Variants in NME7 observed in about 807,000 individuals in gnomAD.
NME7 encodes NME/NM23 family member 7, also known as nucleoside diphosphate kinase 7.
NME7 carries 41 observed loss-of-function variants against 49.1 expected under a neutral mutation model. The ratio of observed to expected loss-of-function variants is 0.83; its 90% CI spans 0.65 to 1.08. The LOEUF is 1.08. Among genes scored for constraint, NME7 ranks in the 50% least tolerant of loss-of-function variants. The probability of loss-of-function intolerance (pLI) is 0.00; values close to 1 mark genes in which losing one functional copy is unlikely to be tolerated. For missense variants in NME7, 423 were observed against 463.4 expected (o/e 0.91, Z 0.80); for synonymous variants, 139 against 150.6 (o/e 0.92, Z 0.56).
intron 11 of NME7, among the ~76,000 whole-genome samples, chr1:169,136,940 A>G (rs910446272): frequency 6.6e-6 from 1 of 152,122 alleles, no homozygotes; most frequent in Non-Finnish European, 1.5e-5. Flanking sequence ...ATGGAGTTAT[A>G]TTTTCTTTTA....
intron 11 of NME7, among the ~76,000 whole-genome samples, chr1:169,165,190 T>C (rs1296104199): frequency 6.6e-6 from 1 of 152,216 alleles, no homozygotes; most frequent in Non-Finnish European, 1.5e-5. Flanking sequence ...CATGCTAAGA[T>C]CTTTGACCTC....
intron 11 of NME7, among the ~76,000 whole-genome samples, chr1:169,164,651 G>T (rs1027144728): frequency 1.3e-5 from 2 of 152,150 alleles, no homozygotes; most frequent in Non-Finnish European, 2.9e-5. Flanking sequence ...TGGGTGCCAT[G>T]GAAGGTTTCT....
At chr1:169,245,633 C>T (rs1188307067) in intron 7 of NME7, among the ~76,000 whole-genome samples, 1 of 152,004 alleles carries the variant, frequency 6.6e-6, no homozygotes, top group Non-Finnish European at 1.5e-5. Context: ...TATTAATAAC[C>T]ATAACCAATT....
At chr1:169,316,223 A>G (rs1651620368) in intron 3 of NME7, among the ~76,000 whole-genome samples, 1 of 104,816 alleles carries the variant, frequency 9.5e-6, no homozygotes, top group African/African-American at 4.1e-5. Flanking sequence ...CATGCAGGCA[A>G]AAAAACTGAA....
intron 11 of NME7, among the ~76,000 whole-genome samples, chr1:169,147,123 G>A (rs1030361281): frequency 1.1e-4 from 17 of 152,108 alleles, no homozygotes; most frequent in African/African-American, 4.1e-4. Context: ...TGATAGTTAA[G>A]AATTTTTTAA....
In NME7 at chr1:169,235,139, C is replaced by T. The variant is rs778762088; in HGVS notation, c.880G>A (p.Glu294Lys). 3 of 1,507,292 alleles carry T rather than the reference C, an allele frequency of 2.0e-6. No homozygotes were observed. Among genetic ancestry groups the T allele is most frequent in the Non-Finnish European group, 2.7e-6 (3 of 1,094,968 alleles). 93.4% of individuals were successfully genotyped at this position (1,507,292 alleles called of 1,614,324 possible). ...TTTACTTTTATACTTACATGATATT[C>T]GGTCACTACTCCTTTATAAACTTCA... ...FYEVYKGVVT[E>K]YHDMVTEMYS... Residue 294 changes from glutamate to lysine, a missense_variant, in exon 9 of 12, where the codon GAA becomes AAA. Glu to Lys is a moderately conservative substitution (Grantham distance 56). Transcript: ENST00000367811.
chr1:169,360,675 A>T (rs1003494802), intron 1 of NME7, among the ~76,000 whole-genome samples: 8 of 152,152 alleles, frequency 5.3e-5, no homozygotes, highest in African/African-American at 1.9e-4. Flanking sequence ...TTCACCTGGC[A>T]AGCTGCTTTC....
intron 10 of NME7, among the ~76,000 whole-genome samples, chr1:169,227,876 C>T (rs1647409036): frequency 6.6e-6 from 1 of 152,054 alleles, no homozygotes; most frequent in Admixed American, 6.6e-5. Flanking sequence ...CTAGAGTACC[C>T]GCAAATATCT....
At chr1:169,348,228 A>G (rs1213686896) in intron 1 of NME7, among the ~76,000 whole-genome samples, 2 of 152,214 alleles carry the variant, frequency 1.3e-5, no homozygotes, top group Non-Finnish European at 2.9e-5. Flanking sequence ...ATATTAAGAC[A>G]GTGTTTTCTT....
intron 3 of NME7, among the ~76,000 whole-genome samples, chr1:169,316,477 A>C (rs1019921738): frequency 3.9e-5 from 6 of 152,326 alleles, no homozygotes; most frequent in African/African-American, 1.2e-4. Flanking sequence ...TCCACATTAT[A>C]ATCTCCAGAA....
intron 1 of NME7, among the ~76,000 whole-genome samples, chr1:169,338,882 G>C (rs1240487492): frequency 6.6e-6 from 1 of 152,158 alleles, no homozygotes; most frequent in Non-Finnish European, 1.5e-5. Context: ...GTTTAACAAG[G>C]ACCCTTGTTT....
intron 5 of NME7, among the ~76,000 whole-genome samples, chr1:169,301,143 T>C (rs1650922886): frequency 6.6e-6 from 1 of 151,714 alleles, no homozygotes; most frequent in Non-Finnish European, 1.5e-5. Flanking sequence ...AAAAAGACAA[T>C]CCACAGAATG....
chr1:169,301,694 TA>T (rs1405905307), intron 5 of NME7, among the ~76,000 whole-genome samples: 1 of 150,860 alleles, frequency 6.6e-6, no homozygotes, highest in Non-Finnish European at 1.5e-5. Flanking sequence ...GCAGATTGGA[TA>T]AAGAAAATGT....
intron 11 of NME7, among the ~76,000 whole-genome samples, chr1:169,136,461 CCTG>C (rs1266023809): frequency 1.8e-4 from 28 of 152,178 alleles, no homozygotes; most frequent in African/African-American, 6.5e-4. Flanking sequence ...TCCTGAGCCA[CCTG>C]CTATGTACCC....
At chr1:169,324,731 G>A (rs1651995104) in intron 1 of NME7, among the ~76,000 whole-genome samples, 1 of 152,150 alleles carries the variant, frequency 6.6e-6, no homozygotes, top group South Asian at 2.1e-4. Flanking sequence ...CTTATGGATT[G>A]CTTTTTACTT....
Position 169,287,359 on chromosome 1 carries a change from G to C in NME7, c.698C>G (p.Thr233Ser). ...PSSGGCGPAN[T>S]AKFTNCTCCI... ...ACAGGTACAATTAGTAAATTTAGCA[G>C]TGTTTGCCGGCCCACAACCTCCACT... is the stretch of plus-strand genomic sequence containing the variant. The change falls in exon 7 of 12, where the codon ACT (threonine) becomes AGT (serine). Residue 233 changes from threonine to serine, a missense_variant. Coordinates refer to ENST00000367811, the MANE Select transcript of NME7 (RefSeq NM_013330.5). The C allele has an allele frequency of 6.2e-7, 1 of 1,609,520 alleles. No homozygotes were observed. The highest frequency in any genetic ancestry group is 8.5e-7 in the Non-Finnish European group (1 of 1,178,226).
chr1:169,338,923 G>A (rs1021877902), intron 1 of NME7, among the ~76,000 whole-genome samples: 1 of 152,128 alleles, frequency 6.6e-6, no homozygotes, highest in African/African-American at 2.4e-5. Flanking sequence ...TCCCACAGTA[G>A]AACACTGGGT....
chr1:169,182,520 T>C (rs1410452251), intron 10 of NME7, among the ~76,000 whole-genome samples: 1 of 152,174 alleles, frequency 6.6e-6, no homozygotes, highest in Non-Finnish European at 1.5e-5. Flanking sequence ...TCACACAGAT[T>C]CTATTTCTTT....
chr1:169,227,086 T>C (rs1271042092), intron 10 of NME7, among the ~76,000 whole-genome samples: 2 of 152,130 alleles, frequency 1.3e-5, no homozygotes, highest in Non-Finnish European at 2.9e-5. Context: ...CACATACTAT[T>C]CACTCAGTAA....
Sources: gnomAD v4.1 joint callset for allele counts (sites outside exome capture counted in the v4.1 genomes callset) on GRCh38, gnomAD v4.1.1 for gene constraint, MANE v1.5 for transcripts, NCBI Gene and HGNC (gene_info 2026-07-23, HGNC 2026-07-21) for gene names.